Variants in CACNA1I observed in about 807,000 individuals in gnomAD.
CACNA1I encodes voltage-dependent T-type calcium channel subunit alpha-1I.
In CACNA1I, 74 loss-of-function variants were observed where a neutral mutation model predicts 201.6. The observed-to-expected ratio is 0.37, with a 90% CI of 0.30 to 0.45. The LOEUF is 0.45. Among genes scored for constraint, CACNA1I ranks in the 20% least tolerant of loss-of-function variants. The pLI, the probability that CACNA1I is intolerant of heterozygous loss-of-function variation, is 1.00. For missense variants in CACNA1I, 2,346 were observed against 3,138.1 expected (o/e 0.75, Z 6.03); for synonymous variants, 1,431 against 1,345.2 (o/e 1.06, Z -1.40).
intron 1 of CACNA1I, chr22:39,587,642 A>G (rs575682687): frequency 1.3e-4 from 52 of 402,780 alleles, no homozygotes; most frequent in Non-Finnish European, 1.2e-4. Context: ...TCCCTCACTG[A>G]CTGTGTCCTT....
At chr22:39,598,682 C>G (rs1784384951) in intron 2 of CACNA1I, among the ~76,000 whole-genome samples, 2 of 152,116 alleles carry the variant, frequency 1.3e-5, no homozygotes, top group Admixed American at 6.5e-5. Context: ...CTTCGTCCCC[C>G]GTGCTCTTGG....
chr22:39,655,591 C>G (rs546736504), intron 10 of CACNA1I, among the ~76,000 whole-genome samples: 1 of 152,166 alleles, frequency 6.6e-6, no homozygotes, highest in Non-Finnish European at 1.5e-5. Flanking sequence ...TCTTCACATC[C>G]GTGTCCCTGC....
rs530018939 is a variant in CACNA1I, at chr22:39,666,473, C to T, written c.4104+467C>T. Among the ~76,000 whole-genome samples, 3 of 152,316 alleles carry T rather than the reference C, an allele frequency of 2.0e-5. No individual in the cohort carries two copies. Among genetic ancestry groups the T allele is most frequent in the African/African-American group, 7.2e-5 (3 of 41,586 alleles). On this transcript the variant is annotated intron_variant, in intron 23 of 36. Transcript: ENST00000402142. This position sits in a 1 kb window ranked among gnomAD's most constrained non-coding sequence, Gnocchi z 4.1. ...GGCCCGGGGTGGTACTCTCTCCCCT[C>T]ACCCACCGCTGCTCTCTGCTCTGTC...
intron 2 of CACNA1I, among the ~76,000 whole-genome samples, chr22:39,599,415 C>A (rs1276908100): frequency 7.1e-6 from 1 of 140,694 alleles, no homozygotes; most frequent in African/African-American, 2.6e-5. Context: ...GTCAGGAGAT[C>A]GAGACCATCC....
At position 39,649,198 on chromosome 22, in the gene CACNA1I, G is replaced by C. The variant is rs1035797799; in HGVS notation, c.1568-303G>C. ...CTGACCCAGGGCCTAGGCCAGGAGG[G>C]ATGGCCGGTCAGCACGGATGCGCGC... On this transcript the variant is annotated intron_variant, in intron 9 of 36. Transcript: ENST00000402142. The surrounding 1 kb of genome is among the most constrained non-coding windows in gnomAD (Gnocchi z 7.3). Among the ~76,000 whole-genome samples, 1 of 152,220 alleles carries C rather than the reference G, an allele frequency of 6.6e-6. No individual in the cohort carries two copies. The highest frequency in any genetic ancestry group is 2.4e-5 in the African/African-American group (1 of 41,460).
chr22:39,671,076 CATGCTGGGCTCT>C (rs1336728197), intron 26 of CACNA1I, 122 bp downstream of exon 26: 4 of 870,738 alleles, frequency 4.6e-6, no homozygotes, highest in Non-Finnish European at 5.3e-6. Context: ...GCAGCCCCTC[CATGCTGGGCTCT>C]ATGCTGGGCA....
intron 4 of CACNA1I, among the ~76,000 whole-genome samples, chr22:39,634,276 G>T (rs116477804): frequency 1.3e-5 from 2 of 152,152 alleles, no homozygotes; most frequent in African/African-American, 2.4e-5. Context: ...GTGCAAGTAC[G>T]CAGAAGAACA....
intron 3 of CACNA1I, among the ~76,000 whole-genome samples, chr22:39,607,169 A>G (rs1933245000): frequency 6.6e-6 from 1 of 152,132 alleles, no homozygotes; most frequent in African/African-American, 2.4e-5. Context: ...CCTGTCTTGG[A>G]TGAGTACAGA....
At chr22:39,641,789 G>A (rs1934357877) in intron 6 of CACNA1I, among the ~76,000 whole-genome samples, 1 of 152,222 alleles carries the variant, frequency 6.6e-6, no homozygotes, top group Admixed American at 6.5e-5. Context: ...CAGAGGATGG[G>A]CTGGGATATG....
At chr22:39,673,710 T>G (rs1410537670) in intron 28 of CACNA1I, among the ~76,000 whole-genome samples, 1 of 152,184 alleles carries the variant, frequency 6.6e-6, no homozygotes, top group Non-Finnish European at 1.5e-5. Context: ...GACCTCAGTT[T>G]CCATGAGTAT....
chr22:39,666,797 G>T lies in CACNA1I; in HGVS notation c.4104+791G>T, dbSNP rs1286978299. Among the ~76,000 whole-genome samples the T allele has an allele frequency of 6.6e-6, 1 of 152,120 alleles. No individual in the cohort carries two copies. The highest frequency in any genetic ancestry group is 2.4e-5 in the African/African-American group (1 of 41,456). ...TGCCCCACAATGGCACCTGGGAGGG[G>T]AGCCACAGGGCCTTGGAGGGGTAGT... On this transcript the variant is annotated intron_variant, in intron 23 of 36. Coordinates refer to ENST00000402142, the MANE Select transcript of CACNA1I (RefSeq NM_021096.4). The surrounding 1 kb of genome is among the most constrained non-coding windows in gnomAD (Gnocchi z 4.1).
chr22:39,649,800 G>T lies in CACNA1I; in HGVS notation c.1867G>T (p.Gly623Trp). Residue 623 changes from glycine to tryptophan, a missense_variant, in exon 10 of 37, where the codon GGG (glycine) becomes TGG (tryptophan). Physicochemically the swap from Gly to Trp is radical, Grantham distance 184. Transcript: ENST00000402142. The surrounding 1 kb of genome is among the most constrained non-coding windows in gnomAD (Gnocchi z 7.3). ...EQADGAVWLC[G>W]DVWRETRAKL... is the part of the protein sequence containing the mutation. ...GGCGGATGGGGCGGTCTGGCTGTGC[G>T]GGGATGTGTGGCGGGAGACGCGAGC... 6.2e-7 allele frequency: 1 copy of T among 1,612,540 alleles called. No individual in the cohort carries two copies. Among genetic ancestry groups the T allele is most frequent in the East Asian group, 2.2e-5 (1 of 44,814 alleles).
chr22:39,674,075 G>C (rs1400847286), intron 29 of CACNA1I, 42 bp downstream of exon 29: 1 of 1,588,734 alleles, frequency 6.3e-7, no homozygotes. Context: ...GGGGTCATTG[G>C]TGTCAGGCTG....
Position 39,684,264 on chromosome 22 carries a change from G to T in CACNA1I, c.5831-38G>T. Reference sequence around the variant, plus strand: ...TTCCAGGGGCTGCCCCCTGGCCTGAGCGTGCTCCCTCAGCTCTGTCTTCTC... The same window carrying T: ...TTCCAGGGGCTGCCCCCTGGCCTGATCGTGCTCCCTCAGCTCTGTCTTCTC... On this transcript the variant is annotated intron_variant, in intron 35 of 36. Coordinates refer to ENST00000402142, the MANE Select transcript of CACNA1I (RefSeq NM_021096.4). This position sits in a 1 kb window ranked among gnomAD's most constrained non-coding sequence, Gnocchi z 4.6. The T allele has an allele frequency of 6.3e-7, 1 of 1,597,412 alleles. No homozygotes were observed.
chr22:39,659,422 C>T lies in CACNA1I; in HGVS notation c.2331-11C>T. On this transcript the variant is annotated splice_polypyrimidine_tract_variant and intron_variant, in intron 12 of 36. Coordinates refer to ENST00000402142, the MANE Select transcript of CACNA1I (RefSeq NM_021096.4). The surrounding 1 kb of genome is among the most constrained non-coding windows in gnomAD (Gnocchi z 4.3). ...TGTGAGTCCGATGAGCCTCTTCCAT[C>T]CTTTCCCCAGCATCCTTGGGATGCA... 1 of 1,526,906 alleles carries T rather than the reference C, an allele frequency of 6.5e-7. No homozygotes were observed. The highest frequency in any genetic ancestry group is 8.9e-7 in the Non-Finnish European group (1 of 1,123,216). 94.6% of individuals were successfully genotyped at this position (1,526,906 alleles called of 1,614,324 possible).
chr22:39,616,225 T>C (rs926335254), intron 3 of CACNA1I, among the ~76,000 whole-genome samples: 2 of 152,208 alleles, frequency 1.3e-5, no homozygotes, highest in African/African-American at 2.4e-5. Flanking sequence ...CGGCTGTTTC[T>C]GTTCCCCTCC....
intron 3 of CACNA1I, among the ~76,000 whole-genome samples, chr22:39,608,116 CAAA>C (rs147887508): frequency 0.087 from 9,282 of 106,754 alleles, 333 homozygotes; most frequent in African/African-American, 0.13. Flanking sequence ...ACTCCATCTC[CAAA>C]AAAAAAAAAA....
rs1023925316 is a variant in CACNA1I, at chr22:39,679,266, G to A, written c.5215G>A (p.Glu1739Lys). The change falls in exon 32 of 37, where the codon GAG becomes AAG. Residue 1739 changes from glutamate to lysine, a missense_variant. By Grantham distance (56) the Glu-to-Lys change is moderately conservative. This residue lies in a region of CACNA1I where 441 missense variants were observed against 555.6 expected (regional missense o/e 0.79). Coordinates refer to ENST00000402142, the MANE Select transcript of CACNA1I (RefSeq NM_021096.4). ...GAAGCACCTGGACGACAGCAACAAG[G>A]AGGCGCAGGAGGACGCCGAGATGGA... ...LMKHLDDSNK[E>K]AQEDAEMDAE... is the part of the protein sequence containing the mutation. 5 of 1,584,130 alleles carry A rather than the reference G, an allele frequency of 3.2e-6. No individual in the cohort carries two copies. Among genetic ancestry groups the A allele is most frequent in the East Asian group, 2.3e-5 (1 of 43,258 alleles).
chr22:39,596,664 G>A (rs1293938433), intron 1 of CACNA1I, among the ~76,000 whole-genome samples: 2 of 151,710 alleles, frequency 1.3e-5, no homozygotes, highest in Non-Finnish European at 2.9e-5. Flanking sequence ...GGGGAGGGAG[G>A]TGGTCTTGCT....
Sources: allele counts gnomAD v4.1 joint callset (sites outside exome capture counted in the v4.1 genomes callset), GRCh38; gene constraint gnomAD v4.1.1; regional missense constraint gnomAD v4.1.1; non-coding constraint Gnocchi (gnomAD v3.1); transcripts MANE v1.5; gene names NCBI Gene and HGNC (gene_info 2026-07-23, HGNC 2026-07-21).